The following SHC4 variants were observed in gnomAD, a reference collection of about 807,000 sequenced individuals.
The protein encoded by SHC4 is SHC-transforming protein 4.
Under a neutral mutation model 69.4 loss-of-function variants are expected in SHC4, and 41 were observed. The ratio of observed to expected loss-of-function variants is 0.59; its 90% CI spans 0.46 to 0.77. The LOEUF (loss-of-function observed/expected upper bound fraction) is 0.77. SHC4 is among the 30% of genes least tolerant of loss of function. The pLI is 0.00. For missense variants in SHC4, 777 were observed against 783.8 expected, an observed-to-expected ratio of 0.99 and a Z score of 0.10; for synonymous variants, 318 against 299.3, an observed-to-expected ratio of 1.06 and a Z score of -0.64.
intron 2 of SHC4, among the ~76,000 whole-genome samples, chr15:48,922,644 A>T (rs1900772244): frequency 6.6e-6 from 1 of 152,188 alleles, no homozygotes; most frequent in African/African-American, 2.4e-5. Context: ...CACACTGGGA[A>T]TTAAGTTTCA....
intron 2 of SHC4, among the ~76,000 whole-genome samples, chr15:48,907,756 T>C (rs959611619): frequency 4.1e-5 from 6 of 146,988 alleles, no homozygotes; most frequent in Non-Finnish European, 8.9e-5. Context: ...TTTTTATGAC[T>C]GTGTAGTATT....
At chr15:48,869,291 G>C (rs950853851) in intron 5 of SHC4, among the ~76,000 whole-genome samples, 3 of 152,166 alleles carry the variant, frequency 2.0e-5, no homozygotes, top group Admixed American at 1.3e-4. Flanking sequence ...TTTGCAAAGA[G>C]AGTAAAAATG....
At chr15:48,847,335 A>T (rs1899112520) in intron 9 of SHC4, among the ~76,000 whole-genome samples, 1 of 152,234 alleles carries the variant, frequency 6.6e-6, no homozygotes, top group Non-Finnish European at 1.5e-5. Flanking sequence ...CTTTTTGATT[A>T]AAAATATCAA....
intron 2 of SHC4, among the ~76,000 whole-genome samples, chr15:48,899,998 A>G (rs1390463732): frequency 6.6e-6 from 1 of 152,184 alleles, no homozygotes; most frequent in Non-Finnish European, 1.5e-5. Flanking sequence ...TCTGTGCTCT[A>G]TAGCTTAGAC....
chr15:48,896,481 C>T (rs1380173963), intron 2 of SHC4, among the ~76,000 whole-genome samples: 3 of 152,036 alleles, frequency 2.0e-5, no homozygotes, highest in Non-Finnish European at 4.4e-5. Context: ...CCACCATGCC[C>T]GGCTAATTTT....
intron 1 of SHC4, chr15:48,947,999 T>C (rs1165430570): frequency 6.6e-6 from 1 of 152,222 alleles, no homozygotes; most frequent in Non-Finnish European, 1.5e-5. Flanking sequence ...TAGATGAATT[T>C]CTAAATTTAA....
chr15:48,853,928 G>T (rs749028780), intron 8 of SHC4, among the ~76,000 whole-genome samples: 7 of 152,080 alleles, frequency 4.6e-5, no homozygotes, highest in East Asian at 1.9e-4. Flanking sequence ...GAAAGAATTT[G>T]TGACTACATC....
chr15:48,890,085 T>C (rs1433187747), intron 3 of SHC4, among the ~76,000 whole-genome samples: 2 of 152,218 alleles, frequency 1.3e-5, no homozygotes, highest in Non-Finnish European at 2.9e-5. Context: ...ATTTCTTACA[T>C]AACTCTATAA....
intron 5 of SHC4, 104 bp from the exon 6 acceptor site, chr15:48,867,973 G>GT (rs930060419): frequency 1.1e-6 from 1 of 878,686 alleles, no homozygotes; most frequent in Non-Finnish European, 1.8e-6. Context: ...AAATACAAAT[G>GT]TTTTTTATTT....
chr15:48,884,326 A>G lies in SHC4; in HGVS notation c.762T>C (p.Asn254=), dbSNP rs191028080. The G allele has an allele frequency of 6.7e-5, 108 of 1,610,342 alleles. No homozygotes were observed. The East Asian group carries it at 2.1e-3, about 31-fold the overall frequency. The part of the protein sequence containing the change: ...KFLSTVLGKS[N]LQFSGMNIKL... The stretch of plus-strand genomic sequence containing the variant: ...TTATATTCATTCCTGAAAACTGAAG[A>G]TTACTTTTGCCAAGGACTGTTGATA... The change falls in exon 4 of 12, where the codon AAT becomes AAC. Residue 254 remains asparagine (N), a synonymous_variant. Transcript: ENST00000332408.
intron 2 of SHC4, among the ~76,000 whole-genome samples, chr15:48,900,098 G>T (rs1900296621): frequency 6.6e-6 from 1 of 152,172 alleles, no homozygotes; most frequent in Non-Finnish European, 1.5e-5. Flanking sequence ...TACGTTTGAT[G>T]ATATTCCGTT....
intron 2 of SHC4, among the ~76,000 whole-genome samples, chr15:48,897,959 A>G (rs535113187): frequency 6.6e-6 from 1 of 152,168 alleles, no homozygotes; most frequent in African/African-American, 2.4e-5. Context: ...TGCATCTCCA[A>G]CGTAAGTCCT....
At chr15:48,928,980 A>G (rs1007930921) in intron 1 of SHC4, among the ~76,000 whole-genome samples, 2 of 152,152 alleles carry the variant, frequency 1.3e-5, no homozygotes, top group Non-Finnish European at 2.9e-5. Flanking sequence ...AAGTTTCTGG[A>G]AAAACATGAG....
At chr15:48,897,032 A>G (rs1377603685) in intron 2 of SHC4, among the ~76,000 whole-genome samples, 1 of 152,200 alleles carries the variant, frequency 6.6e-6, no homozygotes, top group Non-Finnish European at 1.5e-5. Context: ...GGTCCCCGCC[A>G]TTCTTGCAGC....
intron 4 of SHC4, among the ~76,000 whole-genome samples, chr15:48,882,132 C>A (rs1316920506): frequency 1.3e-5 from 2 of 152,116 alleles, no homozygotes; most frequent in Non-Finnish European, 2.9e-5. Context: ...TGTGCTGTAT[C>A]CACAAGGTCT....
At chr15:48,892,939 AAATAT>A (rs1900161806) in intron 2 of SHC4, among the ~76,000 whole-genome samples, 1 of 152,146 alleles carries the variant, frequency 6.6e-6, no homozygotes. Flanking sequence ...TGATGCTGCC[AAATAT>A]AATAACAACA....
intron 2 of SHC4, among the ~76,000 whole-genome samples, chr15:48,920,011 G>T (rs1315552850): frequency 2.0e-5 from 3 of 147,426 alleles, no homozygotes; most frequent in Non-Finnish European, 3.0e-5. Context: ...AGTTCACGGA[G>T]TTTGTTTTTT....
chr15:48,842,394 C>T (rs1161844031), intron 10 of SHC4, among the ~76,000 whole-genome samples: 1 of 152,208 alleles, frequency 6.6e-6, no homozygotes, highest in Non-Finnish European at 1.5e-5. Flanking sequence ...GACAGCCCTA[C>T]TTTCAGCAAA....
At chr15:48,842,683 C>G (rs925000778) in intron 10 of SHC4, among the ~76,000 whole-genome samples, 1 of 152,122 alleles carries the variant, frequency 6.6e-6, no homozygotes, top group Non-Finnish European at 1.5e-5. Context: ...AATCCCAATG[C>G]TTTGAGAGGC....
Sources: gnomAD v4.1 joint callset for allele counts (sites outside exome capture counted in the v4.1 genomes callset) on GRCh38, gnomAD v4.1.1 for gene constraint, MANE v1.5 for transcripts, NCBI Gene and HGNC (gene_info 2026-07-23, HGNC 2026-07-21) for gene names.